Variants in CLEC2D observed in about 807,000 individuals in gnomAD.
CLEC2D encodes the protein C-type lectin domain family 2 member D, also known as C-type lectin related f.
A neutral mutation model predicts 20.0 loss-of-function variants in CLEC2D; 16 were observed. The observed-to-expected ratio is 0.80, with a 90% CI of 0.54 to 1.22. The LOEUF is 1.22. CLEC2D is among the 50% of genes most tolerant of loss of function. The probability of loss-of-function intolerance (pLI) is 0.00; values close to 1 mark genes in which losing one functional copy is unlikely to be tolerated. For missense variants in CLEC2D, 207 were observed against 221.5 expected, an observed-to-expected ratio of 0.93 and a Z score of 0.42; for synonymous variants, 77 against 71.1, an observed-to-expected ratio of 1.08 and a Z score of -0.42.
In CLEC2D at chr12:9,697,719, TAAAAAA is replaced by T. The variant is rs35143816; in HGVS notation, c.*2850_*2855del. ...GCATGATCTCACTTATAGTGAAACT[TAAAAAA>T]AAAACCCAAATACATAGAAATAGAG... On this transcript the variant is annotated 3_prime_UTR_variant, in exon 5 of 5. Coordinates refer to ENST00000290855, the MANE Select transcript of CLEC2D (RefSeq NM_013269.6). The T allele has an allele frequency of 1.3e-5, 2 of 150,958 alleles. No homozygotes were observed. Among genetic ancestry groups the T allele is most frequent in the African/African-American group, 4.9e-5 (2 of 41,084 alleles). The allele number at this position is 150,958 out of a possible 1,614,324, so 9.4% of individuals were successfully genotyped here. A position where few individuals can be genotyped will look rare whatever the true frequency, so the allele number is the denominator to read the frequency against.
chr12:9,680,756 G>T (rs922049130), intron 1 of CLEC2D, among the ~76,000 whole-genome samples, 167 bp from the exon 2 acceptor site: 1 of 152,146 alleles, frequency 6.6e-6, no homozygotes, highest in Non-Finnish European at 1.5e-5. Flanking sequence ...TTTGGAAAAT[G>T]ATTAAATTCT....
At chr12:9,684,467 A>G (rs967795315) in intron 2 of CLEC2D, among the ~76,000 whole-genome samples, 2 of 152,196 alleles carry the variant, frequency 1.3e-5, no homozygotes, top group Non-Finnish European at 2.9e-5. Context: ...CCAGTTTACA[A>G]AGGGAATGCT....
chr12:9,673,881 G>C (rs1451729284), intron 1 of CLEC2D: 2 of 152,446 alleles, frequency 1.3e-5, no homozygotes, highest in African/African-American at 4.8e-5. Context: ...AACCTCTCAG[G>C]CTCCTTTGCA....
At chr12:9,670,280 A>AAT (rs34951810) in intron 1 of CLEC2D, among the ~76,000 whole-genome samples, 15,277 of 150,912 alleles carry the variant, frequency 0.1, 917 homozygotes, top group African/African-American at 0.16. Context: ...ATGCACTGGA[A>AAT]ATATATATAT....
At chr12:9,684,150 G>A (rs1339064647) in intron 2 of CLEC2D, among the ~76,000 whole-genome samples, 1 of 152,132 alleles carries the variant, frequency 6.6e-6, no homozygotes, top group African/African-American at 2.4e-5. Context: ...GTGAATGGGA[G>A]TTCACTCATG....
At chr12:9,694,575 A>T (rs958783833) in intron 4 of CLEC2D, among the ~76,000 whole-genome samples, 185 bp from the exon 5 acceptor site, 12 of 152,214 alleles carry the variant, frequency 7.9e-5, no homozygotes, top group African/African-American at 2.9e-4. Context: ...CAGTATTCCT[A>T]TAGTTGATTT....
chr12:9,686,741 A>T (rs1408701498), intron 2 of CLEC2D, among the ~76,000 whole-genome samples: 1 of 152,212 alleles, frequency 6.6e-6, no homozygotes, highest in East Asian at 1.9e-4. Context: ...ACATTCATTC[A>T]TCTCGATCCC....
chr12:9,681,100 G>A, intron 2 of CLEC2D, 67 bp downstream of exon 2: 1 of 861,642 alleles, frequency 1.2e-6, no homozygotes, highest in Admixed American at 2.3e-5. Flanking sequence ...GGAAGAATCT[G>A]AATAATTTTG....
chr12:9,695,442 G>A lies in CLEC2D; in HGVS notation c.*568G>A. On this transcript the variant is annotated 3_prime_UTR_variant, in exon 5 of 5. Coordinates refer to ENST00000290855, the MANE Select transcript of CLEC2D (RefSeq NM_013269.6). ...CTGAGGCCCCAGAACTATCTTTTCAGTTGTGAACTAAAGGCCGACAAAGAT... is the reference window on the plus strand; with the variant it reads ...CTGAGGCCCCAGAACTATCTTTTCAATTGTGAACTAAAGGCCGACAAAGAT... 1 of 1,420,342 alleles carries A rather than the reference G, an allele frequency of 7.0e-7. No individual in the cohort carries two copies. The highest frequency in any genetic ancestry group is 9.8e-7 in the Non-Finnish European group (1 of 1,021,004). 88.0% of individuals were successfully genotyped at this position (1,420,342 alleles called of 1,614,324 possible).
At chr12:9,674,009 G>A (rs1865474129) in intron 1 of CLEC2D, 1 of 152,452 alleles carries the variant, frequency 6.6e-6, no homozygotes, top group African/African-American at 2.4e-5. Context: ...GTGGGTCTTA[G>A]CTTGCAGGGA....
chr12:9,692,692 T>A (rs371230820), intron 3 of CLEC2D, 136 bp from the exon 4 acceptor site: 6 of 593,714 alleles, frequency 1.0e-5, no homozygotes, highest in East Asian at 2.8e-5. Context: ...ACACCTATTC[T>A]GTATGTATTA....
chr12:9,698,775 A>G lies in CLEC2D; in HGVS notation c.*3901A>G, dbSNP rs1426236301. 6.6e-6 allele frequency: 1 copy of G among 152,184 alleles called. No homozygotes were observed. Among genetic ancestry groups the G allele is most frequent in the Non-Finnish European group, 1.5e-5 (1 of 68,020 alleles). 9.4% of individuals were successfully genotyped at this position (152,184 alleles called of 1,614,324 possible). A position where few individuals can be genotyped will look rare whatever the true frequency, so the allele number is the denominator to read the frequency against. On this transcript the variant is annotated 3_prime_UTR_variant, in exon 5 of 5. Transcript: ENST00000290855. ...CTATTGTTGGGGCTCAGAAACGGAT[A>G]CCCTAACATATAGTGATTTGACAGG...
rs1245738371 is a variant in CLEC2D at position 9,695,300 on chromosome 12, T to C, written c.*426T>C. On this transcript the variant is annotated 3_prime_UTR_variant, in exon 5 of 5. Coordinates refer to ENST00000290855, the MANE Select transcript of CLEC2D (RefSeq NM_013269.6). ...ACAGTATGGGGCTCCCTGGTGTGATTCCGTCCTGCGCGGCTGTTCTCTGGA... is the reference window on the plus strand; with the variant it reads ...ACAGTATGGGGCTCCCTGGTGTGATCCCGTCCTGCGCGGCTGTTCTCTGGA... 7.9e-6 allele frequency: 6 copies of C among 756,804 alleles called. No individual in the cohort carries two copies. The highest frequency in any genetic ancestry group is 1.4e-5 in the Non-Finnish European group (6 of 429,012). 46.9% of individuals were successfully genotyped at this position (756,804 alleles called of 1,614,324 possible).
intron 3 of CLEC2D, among the ~76,000 whole-genome samples, chr12:9,691,646 C>G (rs371732980): frequency 5.1e-4 from 77 of 152,286 alleles, no homozygotes; most frequent in African/African-American, 1.8e-3. Context: ...AAAACCCGCT[C>G]TTCAACAGCC....
intron 2 of CLEC2D, among the ~76,000 whole-genome samples, chr12:9,683,335 G>GTTTTTTTTTTTTTTT (rs1357039664): frequency 4.4e-4 from 5 of 11,288 alleles, no homozygotes; most frequent in African/African-American, 7.7e-4. Flanking sequence ...TTTTGTGTTT[G>GTTTTTTTTTTTTTTT]TTTTTTTTTT....
chr12:9,682,611 C>A lies in CLEC2D; in HGVS notation c.172+1578C>A, dbSNP rs763876617. On this transcript the variant is annotated intron_variant, in intron 2 of 4. Coordinates refer to ENST00000290855, the MANE Select transcript of CLEC2D (RefSeq NM_013269.6). ...TCAGCTCCCACATATGAGTGAGAACCTGCAGTATTTGGTTTTCTGTTCCTG... is the reference window on the plus strand; with the variant it reads ...TCAGCTCCCACATATGAGTGAGAACATGCAGTATTTGGTTTTCTGTTCCTG... 9.9e-5 allele frequency among the ~76,000 whole-genome samples: 15 copies of A among 152,190 alleles called. No individual in the cohort carries two copies. The East Asian group carries it at 2.9e-3, about 29-fold the overall frequency.
intron 1 of CLEC2D, among the ~76,000 whole-genome samples, 188 bp from the exon 2 acceptor site, chr12:9,680,735 A>G (rs1865617470): frequency 6.6e-6 from 1 of 152,188 alleles, no homozygotes; most frequent in Admixed American, 6.5e-5. Context: ...GTTAAAATCA[A>G]TTCTTTTAAC....
intron 3 of CLEC2D, among the ~76,000 whole-genome samples, chr12:9,689,843 GATAA>G (rs1417237082): frequency 2.6e-5 from 4 of 151,892 alleles, no homozygotes; most frequent in Non-Finnish European, 4.4e-5. Context: ...AAAGAATGAA[GATAA>G]ATAAATTCTA....
chr12:9,692,831 T>A lies in CLEC2D; in HGVS notation c.361T>A (p.Phe121Ile), dbSNP rs1230968603. The A allele has an allele frequency of 1.9e-6, 3 of 1,604,100 alleles. No individual in the cohort carries two copies. The highest frequency in any genetic ancestry group is 1.7e-6 in the Non-Finnish European group (2 of 1,175,180). The change falls in exon 4 of 5, where the codon TTC becomes ATC. Residue 121 changes from phenylalanine to isoleucine, a missense_variant. By Grantham distance (21) the Phe-to-Ile change is conservative. Transcript: ENST00000290855. ...TCATCTCTGTGTTTTCTGAAAGAAT[T>A]TCCTGTTGAGATATAAAGGCCCATC... ...AQVESFQELN[F>I]LLRYKGPSDH...
Sources: gnomAD v4.1 joint callset for allele counts (sites outside exome capture counted in the v4.1 genomes callset) on GRCh38, gnomAD v4.1.1 for gene constraint, MANE v1.5 for transcripts, NCBI Gene and HGNC (gene_info 2026-07-23, HGNC 2026-07-21) for gene names.